The following CDH13 variants were observed in gnomAD, a reference collection of about 807,000 sequenced individuals.
CDH13 encodes the protein cadherin-13.
Under a neutral mutation model 63.8 loss-of-function variants are expected in CDH13, and 24 were observed. The observed-to-expected ratio is 0.38, with a 90% CI of 0.27 to 0.53. The LOEUF (loss-of-function observed/expected upper bound fraction) is 0.53, where lower values mean the gene tolerates loss of function less well. CDH13 is among the 20% of genes least tolerant of loss of function. The probability of loss-of-function intolerance (pLI) is 0.85; values close to 1 mark genes in which losing one functional copy is unlikely to be tolerated. For synonymous variants in CDH13, 503 were observed against 355.3 expected, an observed-to-expected ratio of 1.42 and a Z score of -4.67; for missense variants, 1,049 against 903.1, an observed-to-expected ratio of 1.16 and a Z score of -2.07.
chr16:82,649,582 G>A (rs989832088), intron 1 of CDH13, among the ~76,000 whole-genome samples: 3 of 152,122 alleles, frequency 2.0e-5, no homozygotes, highest in Non-Finnish European at 4.4e-5. Context: ...AGGACATGTT[G>A]GGGAACCTGT....
At chr16:83,371,991 A>T (rs2091375840) in intron 6 of CDH13, among the ~76,000 whole-genome samples, 1 of 152,226 alleles carries the variant, frequency 6.6e-6, no homozygotes, top group Non-Finnish European at 1.5e-5. Context: ...GGAAAGTAGA[A>T]TGGCCCAATA....
At chr16:83,501,577 AT>A in intron 7 of CDH13, among the ~76,000 whole-genome samples, 1 of 152,330 alleles carries the variant, frequency 6.6e-6, no homozygotes, top group Non-Finnish European at 1.5e-5. Context: ...TCATCCAGGC[AT>A]TACATTAGGT....
chr16:83,758,838 A>G (rs949295073), intron 11 of CDH13, among the ~76,000 whole-genome samples: 4 of 152,254 alleles, frequency 2.6e-5, no homozygotes, highest in Non-Finnish European at 4.4e-5. Flanking sequence ...CAAGTCCTCT[A>G]CAATGAAAAC....
intron 4 of CDH13, among the ~76,000 whole-genome samples, chr16:83,165,927 A>G (rs569333848): frequency 2.6e-5 from 4 of 152,260 alleles, no homozygotes; most frequent in African/African-American, 9.6e-5. Flanking sequence ...TGGAATCAAC[A>G]GTGGTGGGAG....
intron 2 of CDH13, among the ~76,000 whole-genome samples, chr16:82,879,211 G>T (rs2040608363): frequency 6.6e-6 from 1 of 152,006 alleles, no homozygotes; most frequent in Admixed American, 6.6e-5. Flanking sequence ...CTTGGATTTG[G>T]ATGCCAGCTC....
chr16:83,369,206 A>G (rs1444683967), intron 6 of CDH13, among the ~76,000 whole-genome samples: 1 of 151,880 alleles, frequency 6.6e-6, no homozygotes, highest in Non-Finnish European at 1.5e-5. Context: ...CAAAAAATGA[A>G]AAAATAATAG....
intron 1 of CDH13, among the ~76,000 whole-genome samples, chr16:82,651,452 T>C (rs773914163): frequency 2.6e-5 from 4 of 152,226 alleles, no homozygotes; most frequent in Admixed American, 1.3e-4. Context: ...CAGCAAACAA[T>C]TGGCAGAACC....
intron 10 of CDH13, among the ~76,000 whole-genome samples, chr16:83,743,209 A>AAAAAT (rs113675648): frequency 0.013 from 2,052 of 152,268 alleles, 35 homozygotes; most frequent in African/African-American, 0.044. Context: ...CTCCGTCTCA[A>AAAAAT]AAAATAAAAT....
intron 4 of CDH13, among the ~76,000 whole-genome samples, chr16:83,177,762 A>C (rs2038187105): frequency 1.3e-5 from 2 of 152,206 alleles, no homozygotes; most frequent in South Asian, 4.1e-4. Flanking sequence ...GAAATGGCTT[A>C]AGAACAAGAG....
At position 83,023,441 on chromosome 16, in the gene CDH13, G is replaced by A. The variant is rs536896672; in HGVS notation, c.158-8569G>A. Among the ~76,000 whole-genome samples, 47 of 152,204 alleles carry A rather than the reference G, an allele frequency of 3.1e-4. No individual in the cohort carries two copies. The East Asian group carries it at 4.4e-3, about 14-fold the overall frequency. ...GCCTTCCAGAAGTTATTTCAAATCC[G>A]TGAGAAACTATGTAGGGAAGTCATT... On this transcript the variant is annotated intron_variant, in intron 2 of 13. Transcript: ENST00000567109.
intron 5 of CDH13, among the ~76,000 whole-genome samples, chr16:83,232,553 C>G (rs56776499): frequency 2.1e-4 from 22 of 102,446 alleles, no homozygotes; most frequent in Non-Finnish European, 5.0e-4. Flanking sequence ...AACAAACAAA[C>G]AAAAAAAAAA....
chr16:83,763,268 T>G, intron 11 of CDH13, among the ~76,000 whole-genome samples: 1 of 152,190 alleles, frequency 6.6e-6, no homozygotes, highest in Non-Finnish European at 1.5e-5. Context: ...TAAAATGGAA[T>G]AGACTAAGAT....
intron 1 of CDH13, among the ~76,000 whole-genome samples, chr16:82,784,405 GA>G (rs2035906353): frequency 6.6e-6 from 1 of 152,182 alleles, no homozygotes; most frequent in African/African-American, 2.4e-5. Flanking sequence ...GGGCAATGAG[GA>G]AATGTGGTCC....
intron 4 of CDH13, among the ~76,000 whole-genome samples, chr16:83,178,206 ATGT>A (rs1018111567): frequency 2.4e-4 from 37 of 152,280 alleles, no homozygotes; most frequent in Non-Finnish European, 4.7e-4. Context: ...GCAGATAATT[ATGT>A]TGTGGGAGGC....
chr16:83,128,191 G>A (rs1044643351), intron 4 of CDH13, among the ~76,000 whole-genome samples: 1 of 152,208 alleles, frequency 6.6e-6, no homozygotes, highest in Admixed American at 6.5e-5. Context: ...TGGGGTGGGG[G>A]TGAGGACCAT....
intron 8 of CDH13, among the ~76,000 whole-genome samples, chr16:83,634,164 C>G (rs1911046582): frequency 7.8e-6 from 1 of 127,408 alleles, no homozygotes; most frequent in African/African-American, 3.0e-5. Flanking sequence ...TGTGTGTGGT[C>G]CTACGCATTT....
At chr16:83,419,593 T>C (rs990051516) in intron 6 of CDH13, among the ~76,000 whole-genome samples, 1 of 152,164 alleles carries the variant, frequency 6.6e-6, no homozygotes, top group African/African-American at 2.4e-5. Context: ...GCCAATAATA[T>C]CTAGACCATG....
intron 6 of CDH13, among the ~76,000 whole-genome samples, chr16:83,407,596 G>A (rs1037711720): frequency 2.6e-5 from 4 of 152,146 alleles, no homozygotes; most frequent in Non-Finnish European, 5.9e-5. Context: ...TGCAAATTGA[G>A]TTTTCTTTCA....
intron 1 of CDH13, among the ~76,000 whole-genome samples, chr16:82,718,706 T>C (rs2032558192): frequency 1.3e-5 from 2 of 152,092 alleles, no homozygotes; most frequent in African/African-American, 4.8e-5. Flanking sequence ...AGAGAACTCG[T>C]GCAGGGAAAC....
Sources: gnomAD v4.1 joint callset for allele counts (sites outside exome capture counted in the v4.1 genomes callset) on GRCh38, gnomAD v4.1.1 for gene constraint, MANE v1.5 for transcripts, NCBI Gene and HGNC (gene_info 2026-07-23, HGNC 2026-07-21) for gene names.